Variants in TLK1 observed in about 807,000 individuals in gnomAD.
TLK1 encodes the protein tousled like kinase 1, also known as serine/threonine-protein kinase tousled-like 1.
Under a neutral mutation model 105.3 loss-of-function variants are expected in TLK1, and 24 were observed. That is an observed-to-expected ratio of 0.23 (90% CI 0.17 to 0.32). The LOEUF (loss-of-function observed/expected upper bound fraction) is 0.32. Ranked by LOEUF, TLK1 falls within the 10% of genes least tolerant of loss-of-function variation. The probability of loss-of-function intolerance (pLI) is 1.00; values close to 1 mark genes in which losing one functional copy is unlikely to be tolerated. For missense variants in TLK1, 558 were observed against 910.5 expected, an observed-to-expected ratio of 0.61 and a Z score of 4.98; for synonymous variants, 321 against 310.4, an observed-to-expected ratio of 1.03 and a Z score of -0.36.
intron 1 of TLK1, among the ~76,000 whole-genome samples, chr2:171,196,285 T>C (rs913556866): frequency 3.3e-5 from 5 of 151,874 alleles, no homozygotes; most frequent in African/African-American, 9.7e-5. Context: ...CCCAGCACAG[T>C]TTTGTATTTT....
intron 1 of TLK1, among the ~76,000 whole-genome samples, chr2:171,131,319 T>G (rs1167545436): frequency 6.6e-6 from 1 of 152,190 alleles, no homozygotes; most frequent in Non-Finnish European, 1.5e-5. Flanking sequence ...GCCTATGATA[T>G]AATCAGATCC....
chr2:171,089,605 C>T lies in TLK1; in HGVS notation c.259-6753G>A, dbSNP rs114448510. On this transcript the variant is annotated intron_variant, in intron 2 of 20. Transcript: ENST00000431350. ...ATTTACAGATGGGTCTACTGCTGGA[C>T]TTTATTCTCTTTCATTGGTCTATTT... Among the ~76,000 whole-genome samples the T allele has an allele frequency of 3.1e-3, 466 of 152,264 alleles. 2 individuals carry two copies. The highest frequency in any genetic ancestry group is 0.011 in the African/African-American group (447 of 41,548).
At chr2:171,214,332 A>G (rs1457831778) in intron 1 of TLK1, among the ~76,000 whole-genome samples, 1 of 152,084 alleles carries the variant, frequency 6.6e-6, no homozygotes, top group Middle Eastern at 3.2e-3. Flanking sequence ...TAATCTCTAC[A>G]ATGGGGTCTA....
chr2:171,115,688 T>A (rs768085146), intron 2 of TLK1, among the ~76,000 whole-genome samples: 1 of 152,212 alleles, frequency 6.6e-6, no homozygotes, highest in African/African-American at 2.4e-5. Flanking sequence ...GGTGGTGATA[T>A]TGACTATATG....
intron 3 of TLK1, among the ~76,000 whole-genome samples, chr2:171,072,112 A>AT (rs1688287339): frequency 6.6e-6 from 1 of 151,984 alleles, no homozygotes; most frequent in African/African-American, 2.4e-5. Flanking sequence ...TTTTAGAATT[A>AT]TTTTTTCTAT....
chr2:171,130,745 A>G (rs1236150523), intron 1 of TLK1, among the ~76,000 whole-genome samples: 2 of 152,188 alleles, frequency 1.3e-5, no homozygotes, highest in African/African-American at 4.8e-5. Flanking sequence ...AGGCTAGCCT[A>G]CGTAGGATAG....
At chr2:171,192,200 T>G (rs547331341) in intron 1 of TLK1, among the ~76,000 whole-genome samples, 1 of 152,244 alleles carries the variant, frequency 6.6e-6, no homozygotes, top group East Asian at 1.9e-4. Context: ...GCTAATTTTT[T>G]TGTACTTTTT....
At chr2:171,018,004 G>A (rs556881812) in intron 12 of TLK1, among the ~76,000 whole-genome samples, 1 of 152,134 alleles carries the variant, frequency 6.6e-6, no homozygotes, top group South Asian at 2.1e-4. Context: ...CTAAGAAAAA[G>A]TACATATATT....
At chr2:171,062,617 T>C (rs1687808875) in intron 3 of TLK1, among the ~76,000 whole-genome samples, 1 of 152,172 alleles carries the variant, frequency 6.6e-6, no homozygotes, top group Non-Finnish European at 1.5e-5. Context: ...ACTTGATAAA[T>C]ACATGCATGA....
rs1687727928 is a variant in TLK1 at position 171,061,089 on chromosome 2, C to T, written c.398G>A (p.Ser133Asn). Residue 133 changes from serine to asparagine, a missense_variant, in exon 4 of 21, where the codon AGT (serine) becomes AAT (asparagine). Physicochemically the swap from Ser to Asn is conservative, Grantham distance 46. This residue lies in a region of TLK1 where 196 missense variants were observed against 239.3 expected (regional missense o/e 0.82). Transcript: ENST00000431350. ...RKRKAENQNE[S>N]SQGKSIGGRG... ...AGATGTTATGTGCTTACCCTGACTA[C>T]TTTCATTCTGGTTTTCTGCTTTTCT... is the stretch of plus-strand genomic sequence containing the variant. 1 of 1,613,554 alleles carries T rather than the reference C, an allele frequency of 6.2e-7. No individual in the cohort carries two copies. Among genetic ancestry groups the T allele is most frequent in the Admixed American group, 1.7e-5 (1 of 60,012 alleles).
intron 1 of TLK1, among the ~76,000 whole-genome samples, chr2:171,187,069 A>G (rs1250111770): frequency 1.4e-5 from 2 of 139,542 alleles, no homozygotes; most frequent in South Asian, 4.5e-4. Context: ...AAAAAAAAAA[A>G]AAAAAAAAAA....
intron 1 of TLK1, among the ~76,000 whole-genome samples, chr2:171,190,311 T>C (rs1462887589): frequency 6.6e-6 from 1 of 152,136 alleles, no homozygotes; most frequent in East Asian, 1.9e-4. Flanking sequence ...CTGCCCATGG[T>C]GCTAACTCAC....
At position 170,992,688 on chromosome 2, in the gene TLK1, T is replaced by C. The variant is rs1053596752; in HGVS notation, c.*1092A>G. The C allele has an allele frequency of 6.6e-6, 1 of 152,624 alleles. No individual in the cohort carries two copies. Among genetic ancestry groups the C allele is most frequent in the African/African-American group, 2.4e-5 (1 of 41,458 alleles). 9.5% of individuals were successfully genotyped at this position (152,624 alleles called of 1,614,324 possible). ...CTTGATTGTTAATGACTGTCTGCTT[T>C]TTAATATCTATGATGTACAGTCAAC... is the stretch of plus-strand genomic sequence containing the variant. On this transcript the variant is annotated 3_prime_UTR_variant, in exon 21 of 21. Coordinates refer to ENST00000431350, the MANE Select transcript of TLK1 (RefSeq NM_012290.5).
intron 1 of TLK1, among the ~76,000 whole-genome samples, chr2:171,214,074 C>T (rs1362478086): frequency 6.7e-6 from 1 of 150,252 alleles, no homozygotes; most frequent in Admixed American, 6.6e-5. Context: ...GGCATGGTGG[C>T]ACATGCCTGT....
At chr2:171,052,444 G>A (rs1053759648) in intron 8 of TLK1, among the ~76,000 whole-genome samples, 1 of 152,014 alleles carries the variant, frequency 6.6e-6, no homozygotes, top group African/African-American at 2.4e-5. Flanking sequence ...GTTTATACTA[G>A]AAAAAGTAGA....
chr2:171,119,752 G>A (rs541838293), intron 1 of TLK1, among the ~76,000 whole-genome samples: 1 of 152,124 alleles, frequency 6.6e-6, no homozygotes, highest in Non-Finnish European at 1.5e-5. Context: ...ATGGTGCAGG[G>A]AAAACTGGAT....
intron 6 of TLK1, among the ~76,000 whole-genome samples, chr2:171,055,463 G>GC (rs1687457231): frequency 6.6e-6 from 1 of 150,668 alleles, no homozygotes; most frequent in South Asian, 2.1e-4. Context: ...CTTTCATACA[G>GC]TTAAAAAAAA....
At chr2:170,997,129 T>G (rs1180302485) in intron 19 of TLK1, among the ~76,000 whole-genome samples, 1 of 152,202 alleles carries the variant, frequency 6.6e-6, no homozygotes, top group Non-Finnish European at 1.5e-5. Flanking sequence ...AATAAAATAC[T>G]GTGTGCATCA....
At chr2:171,086,994 G>C (rs1689009623) in intron 2 of TLK1, among the ~76,000 whole-genome samples, 1 of 152,162 alleles carries the variant, frequency 6.6e-6, no homozygotes, top group African/African-American at 2.4e-5. Context: ...AGGGATGTCA[G>C]TGCTGCCCTC....
Sources: gnomAD v4.1 joint callset for allele counts (sites outside exome capture counted in the v4.1 genomes callset) on GRCh38, gnomAD v4.1.1 for gene constraint, gnomAD v4.1.1 regional missense constraint, MANE v1.5 for transcripts, NCBI Gene and HGNC (gene_info 2026-07-23, HGNC 2026-07-21) for gene names.